Variants in DOCK7 observed in about 807,000 individuals in gnomAD.
DOCK7 encodes dedicator of cytokinesis protein 7.
A neutral mutation model predicts 271.0 loss-of-function variants in DOCK7; 138 were observed. The observed-to-expected ratio is 0.51, with a 90% confidence interval of 0.44 to 0.59. The LOEUF (loss-of-function observed/expected upper bound fraction) is 0.59. Ranked by LOEUF, DOCK7 falls within the 20% of genes least tolerant of loss-of-function variation. The pLI is 0.00. For missense variants in DOCK7, 2,066 were observed against 2,592.4 expected (o/e 0.80, Z 4.41); for synonymous variants, 823 against 876.1 (o/e 0.94, Z 1.07).
intron 43 of DOCK7, chr1:62,482,116 A>G (rs1021861808): frequency 2.0e-5 from 3 of 152,224 alleles, no homozygotes; most frequent in African/African-American, 7.2e-5. Flanking sequence ...TCATATTAAC[A>G]ACAAAAATAA....
chr1:62,580,815 T>G (rs1647093534), intron 16 of DOCK7, among the ~76,000 whole-genome samples: 1 of 152,198 alleles, frequency 6.6e-6, no homozygotes, highest in Non-Finnish European at 1.5e-5. Flanking sequence ...TGGTTTTGTA[T>G]AGCCTGCAAA....
chr1:62,528,218 G>C lies in DOCK7; in HGVS notation c.3869C>G (p.Ala1290Gly), dbSNP rs960235270. 6 of 1,613,726 alleles carry C rather than the reference G, an allele frequency of 3.7e-6. No individual in the cohort carries two copies. Among genetic ancestry groups the C allele is most frequent in the Admixed American group, 1.7e-5 (1 of 59,984 alleles). ...ESGSMISQTVAMAIAGTSVPQ... is the reference protein window; with the variant it reads ...ESGSMISQTVGMAIAGTSVPQ... Reference sequence around the variant, plus strand: ...GACCGATGTCCCTGCGATTGCCATGGCAACGGTCTGGCTTATCATACTTCC... The same window carrying C: ...GACCGATGTCCCTGCGATTGCCATGCCAACGGTCTGGCTTATCATACTTCC... The change falls in exon 31 of 50, where the codon GCC (alanine) becomes GGC (glycine). Residue 1290 changes from alanine to glycine, a missense_variant. Physicochemically the swap from Ala to Gly is moderately conservative, Grantham distance 60. Around this residue, in one of 2 missense-constraint regions of DOCK7, gnomAD observed 1,414 missense variants for 1,670.4 expected, o/e 0.85. Transcript: ENST00000635253.
intron 16 of DOCK7, among the ~76,000 whole-genome samples, chr1:62,580,971 G>T (rs1628350): frequency 0.97 from 148,119 of 152,296 alleles, 72,161 homozygotes; most frequent in Middle Eastern, 1. Flanking sequence ...CTTGTAACAT[G>T]ACTTACTGCC....
At chr1:62,469,714 G>C in intron 48 of DOCK7, among the ~76,000 whole-genome samples, 1 of 151,814 alleles carries the variant, frequency 6.6e-6, no homozygotes. Flanking sequence ...AAACAAATTA[G>C]CAAGAAAAAA....
chr1:62,516,991 A>C (rs1269452518), intron 31 of DOCK7: 1 of 152,434 alleles, frequency 6.6e-6, no homozygotes, highest in African/African-American at 2.4e-5. Flanking sequence ...GTCATATACT[A>C]ATCTCCAGAA....
At chr1:62,500,670 C>T (rs534425559) in intron 37 of DOCK7, among the ~76,000 whole-genome samples, 56 of 152,096 alleles carry the variant, frequency 3.7e-4, no homozygotes, top group Non-Finnish European at 5.0e-4. Context: ...TTATTTAAAA[C>T]GGAGAAAAAT....
intron 2 of DOCK7, among the ~76,000 whole-genome samples, chr1:62,654,501 TA>T (rs560650140): frequency 1.8e-4 from 27 of 148,814 alleles, no homozygotes; most frequent in East Asian, 5.9e-4. Flanking sequence ...CTTTGGATAT[TA>T]AAAAAAAAAG....
chr1:62,623,060 C>T (rs1381813531), intron 12 of DOCK7, among the ~76,000 whole-genome samples: 1 of 152,136 alleles, frequency 6.6e-6, no homozygotes, highest in African/African-American at 2.4e-5. Context: ...AGGCATGAGC[C>T]GACATGCCTG....
At chr1:62,652,387 T>C (rs1385471194) in intron 4 of DOCK7, among the ~76,000 whole-genome samples, 2 of 152,236 alleles carry the variant, frequency 1.3e-5, no homozygotes, top group East Asian at 1.9e-4. Flanking sequence ...ATGTATAATA[T>C]CTAGTATAAT....
chr1:62,470,778 G>A (rs1006309865), intron 48 of DOCK7, among the ~76,000 whole-genome samples: 1 of 152,050 alleles, frequency 6.6e-6, no homozygotes, highest in Non-Finnish European at 1.5e-5. Context: ...GCAACATAGC[G>A]AGACTCCGTC....
At chr1:62,581,704 GT>G (rs1390668789) in intron 16 of DOCK7, among the ~76,000 whole-genome samples, 1 of 151,768 alleles carries the variant, frequency 6.6e-6, no homozygotes, top group Non-Finnish European at 1.5e-5. Context: ...AAACGTTAGT[GT>G]TTTGTGTGGA....
intron 1 of DOCK7, 41 bp downstream of exon 1, chr1:62,688,186 C>T: frequency 7.4e-7 from 1 of 1,357,876 alleles, no homozygotes; most frequent in South Asian, 1.7e-5. Flanking sequence ...GCGGCTCTTT[C>T]TCGGGCGGCG....
rs1265264588 is a variant in DOCK7, at chr1:62,647,660, A to C, written c.818+31T>G. On this transcript the variant is annotated intron_variant, in intron 7 of 49. Coordinates refer to ENST00000635253, the MANE Select transcript of DOCK7 (RefSeq NM_001367561.1). ...TACTAAAATTTTATCCTGGAAAATA[A>C]AAGTTGTAAGTAAAAGAAATAAATA... 1.5e-5 allele frequency: 22 copies of C among 1,476,960 alleles called. No individual in the cohort carries two copies. In the Admixed American group the frequency reaches 4.7e-4, roughly 32 times the overall value. 91.5% of individuals were successfully genotyped at this position (1,476,960 alleles called of 1,614,324 possible). A position where few individuals can be genotyped will look rare whatever the true frequency, so the allele number is the denominator to read the frequency against.
intron 15 of DOCK7, chr1:62,584,729 G>T: frequency 3.0e-6 from 3 of 989,904 alleles, no homozygotes; most frequent in Non-Finnish European, 4.7e-6. Flanking sequence ...CATCGTCCCT[G>T]CCCTCAAGGA....
At chr1:62,468,419 T>C (rs1451898282) in intron 48 of DOCK7, among the ~76,000 whole-genome samples, 1 of 147,952 alleles carries the variant, frequency 6.8e-6, no homozygotes, top group Non-Finnish European at 1.5e-5. Context: ...TACCTCAATG[T>C]AATAAAAGCC....
At chr1:62,486,052 T>C (rs1386008031) in intron 43 of DOCK7, 7 of 152,210 alleles carry the variant, frequency 4.6e-5, no homozygotes, top group African/African-American at 1.7e-4. Flanking sequence ...CAATTTATTA[T>C]TTTATGCCTA....
intron 48 of DOCK7, among the ~76,000 whole-genome samples, chr1:62,464,543 G>T (rs373573941): frequency 1.3e-5 from 2 of 151,898 alleles, no homozygotes; most frequent in African/African-American, 4.8e-5. Context: ...TTAGCTGGGT[G>T]TGGTGGTGCG....
intron 7 of DOCK7, among the ~76,000 whole-genome samples, chr1:62,645,749 T>A (rs765509584): frequency 5.3e-5 from 8 of 152,202 alleles, no homozygotes; most frequent in Non-Finnish European, 8.8e-5. Flanking sequence ...AATAAAGCTA[T>A]TTTTCTTTTT....
chr1:62,638,741 A>G (rs749801770), intron 7 of DOCK7, among the ~76,000 whole-genome samples: 3 of 150,966 alleles, frequency 2.0e-5, no homozygotes, highest in Non-Finnish European at 4.4e-5. Context: ...TATATATATG[A>G]GAAACACATA....
Sources: allele counts gnomAD v4.1 joint callset (sites outside exome capture counted in the v4.1 genomes callset), GRCh38; gene constraint gnomAD v4.1.1; regional missense constraint gnomAD v4.1.1; transcripts MANE v1.5; gene names NCBI Gene and HGNC (gene_info 2026-07-23, HGNC 2026-07-21).